The following SLC41A2 variants were observed in gnomAD, a reference collection of about 807,000 sequenced individuals.
SLC41A2 encodes the protein SLC41A1-like 1.
In SLC41A2, 32 loss-of-function variants were observed where a neutral mutation model predicts 58.3. The observed-to-expected ratio is 0.55, with a 90% CI of 0.41 to 0.74. The LOEUF (loss-of-function observed/expected upper bound fraction) is 0.74. Ranked by LOEUF, SLC41A2 falls within the 30% of genes least tolerant of loss-of-function variation. The pLI, the probability that SLC41A2 is intolerant of heterozygous loss-of-function variation, is 0.00. For synonymous variants in SLC41A2, 190 were observed against 235.0 expected, an observed-to-expected ratio of 0.81 and a Z score of 1.75; for missense variants, 514 against 680.6, an observed-to-expected ratio of 0.76 and a Z score of 2.72.
chr12:104,877,582 C>A (rs2044112175), intron 6 of SLC41A2, among the ~76,000 whole-genome samples: 2 of 151,928 alleles, frequency 1.3e-5, no homozygotes, highest in Non-Finnish European at 2.9e-5. Context: ...TTTTTTATTT[C>A]TTGATCCAGT....
At chr12:104,919,984 T>G (rs986418675) in intron 2 of SLC41A2, among the ~76,000 whole-genome samples, 1 of 152,232 alleles carries the variant, frequency 6.6e-6, no homozygotes, top group Non-Finnish European at 1.5e-5. Context: ...ATTGAGTTAA[T>G]TTTTCTATAA....
At chr12:104,837,688 A>G (rs1404633912) in intron 10 of SLC41A2, among the ~76,000 whole-genome samples, 1 of 152,142 alleles carries the variant, frequency 6.6e-6, no homozygotes, top group Non-Finnish European at 1.5e-5. Flanking sequence ...TAAGGAGATG[A>G]AAAGGGGCTC....
chr12:104,894,142 A>G (rs1420243046), intron 4 of SLC41A2, among the ~76,000 whole-genome samples: 1 of 152,000 alleles, frequency 6.6e-6, no homozygotes, highest in Non-Finnish European at 1.5e-5. Flanking sequence ...AAAATTAAAA[A>G]TTGAAAGAAA....
At chr12:104,833,338 A>T (rs1286116418) in intron 10 of SLC41A2, among the ~76,000 whole-genome samples, 1 of 152,194 alleles carries the variant, frequency 6.6e-6, no homozygotes, top group African/African-American at 2.4e-5. Context: ...GGGCCAACCA[A>T]ACAATGGTCA....
At chr12:104,914,772 C>T (rs956756667) in intron 2 of SLC41A2, among the ~76,000 whole-genome samples, 1 of 152,244 alleles carries the variant, frequency 6.6e-6, no homozygotes, top group Non-Finnish European at 1.5e-5. Context: ...TTACTTTCTG[C>T]ATCTAAAATA....
At chr12:104,844,940 T>C (rs896141760) in intron 9 of SLC41A2, among the ~76,000 whole-genome samples, 5 of 146,828 alleles carry the variant, frequency 3.4e-5, no homozygotes, top group African/African-American at 7.6e-5. Context: ...TTAATTTCTT[T>C]AGAATTCTAT....
chr12:104,871,200 G>C (rs186277228), intron 6 of SLC41A2, among the ~76,000 whole-genome samples: 1 of 152,242 alleles, frequency 6.6e-6, no homozygotes, highest in East Asian at 1.9e-4. Flanking sequence ...CGCCTACAAA[G>C]AGAATATCTA....
chr12:104,844,772 C>A, intron 9 of SLC41A2, 152 bp from the exon 10 acceptor site: 3 of 384,126 alleles, frequency 7.8e-6, no homozygotes, highest in Non-Finnish European at 1.4e-5. Flanking sequence ...CAAGTAGTTA[C>A]AATTCATTTC....
chr12:104,833,960 G>T (rs2042125378), intron 10 of SLC41A2: 1 of 924,836 alleles, frequency 1.1e-6, no homozygotes, highest in Non-Finnish European at 1.3e-6. Context: ...TGCAATGTCA[G>T]CAGGATTCAG....
chr12:104,937,528 G>A (rs891474409), intron 1 of SLC41A2, among the ~76,000 whole-genome samples: 8 of 152,184 alleles, frequency 5.3e-5, no homozygotes, highest in African/African-American at 9.7e-5. Context: ...CAGCCTTGGC[G>A]TGTGGTAGGC....
intron 6 of SLC41A2, among the ~76,000 whole-genome samples, chr12:104,874,660 A>G (rs1217991884): frequency 6.6e-6 from 1 of 151,978 alleles, no homozygotes; most frequent in East Asian, 1.9e-4. Context: ...AAATTATTTG[A>G]CTGTATATAC....
intron 10 of SLC41A2, among the ~76,000 whole-genome samples, chr12:104,809,050 G>C (rs929063201): frequency 6.6e-6 from 1 of 152,122 alleles, no homozygotes; most frequent in Non-Finnish European, 1.5e-5. Flanking sequence ...GCTGACTGAA[G>C]GCAAGTTACT....
intron 10 of SLC41A2, among the ~76,000 whole-genome samples, chr12:104,823,742 T>A (rs1206745680): frequency 1.3e-5 from 2 of 152,104 alleles, no homozygotes; most frequent in Non-Finnish European, 2.9e-5. Context: ...CACTAATCAT[T>A]TGCAAAAACT....
chr12:104,913,623 A>T (rs946956242), intron 2 of SLC41A2, among the ~76,000 whole-genome samples: 3 of 152,036 alleles, frequency 2.0e-5, no homozygotes, highest in African/African-American at 7.2e-5. Context: ...ACCCAGCATA[A>T]ATTCCTATTT....
At chr12:104,882,685 T>A (rs1465504840) in intron 6 of SLC41A2, among the ~76,000 whole-genome samples, 1 of 152,244 alleles carries the variant, frequency 6.6e-6, no homozygotes, top group East Asian at 1.9e-4. Flanking sequence ...TGCTGAGAGA[T>A]CCACTGTTAG....
chr12:104,923,234 C>T (rs1418157993), intron 2 of SLC41A2, among the ~76,000 whole-genome samples: 4 of 146,022 alleles, frequency 2.7e-5, no homozygotes, highest in Non-Finnish European at 4.5e-5. Flanking sequence ...GGGTGGCGGG[C>T]GCCTGTAGTC....
chr12:104,874,480 G>C (rs767640844), intron 6 of SLC41A2, among the ~76,000 whole-genome samples: 3 of 152,152 alleles, frequency 2.0e-5, no homozygotes, highest in Admixed American at 6.5e-5. Context: ...GGCTTCAGGC[G>C]TTATGTTTAG....
At chr12:104,882,439 T>C (rs956090074) in intron 6 of SLC41A2, among the ~76,000 whole-genome samples, 4 of 152,228 alleles carry the variant, frequency 2.6e-5, no homozygotes, top group Non-Finnish European at 5.9e-5. Context: ...TTTGGCATGT[T>C]TTTGCAGTGG....
At chr12:104,881,650 G>A (rs2044376461) in intron 6 of SLC41A2, among the ~76,000 whole-genome samples, 1 of 152,284 alleles carries the variant, frequency 6.6e-6, no homozygotes, top group Middle Eastern at 3.4e-3. Flanking sequence ...TTAATCCTGA[G>A]TTCTAATGAT....
Sources: allele counts gnomAD v4.1 joint callset (sites outside exome capture counted in the v4.1 genomes callset), GRCh38; gene constraint gnomAD v4.1.1; transcripts MANE v1.5; gene names NCBI Gene and HGNC (gene_info 2026-07-23, HGNC 2026-07-21).